The following BMPR1B variants were observed in gnomAD, a reference collection of about 807,000 sequenced individuals.
BMPR1B encodes the protein bone morphogenetic protein receptor type-1B.
Under a neutral mutation model 59.1 loss-of-function variants are expected in BMPR1B, and 12 were observed. The ratio of observed to expected loss-of-function variants is 0.20; its 90% CI spans 0.13 to 0.33. The LOEUF (loss-of-function observed/expected upper bound fraction) is 0.33, where lower values mean the gene tolerates loss of function less well. Among genes scored for constraint, BMPR1B ranks in the 10% least tolerant of loss-of-function variants. The probability of loss-of-function intolerance (pLI) is 1.00; values close to 1 mark genes in which losing one functional copy is unlikely to be tolerated. For synonymous variants in BMPR1B, 237 were observed against 207.3 expected, an observed-to-expected ratio of 1.14 and a Z score of -1.23; for missense variants, 550 against 610.9, an observed-to-expected ratio of 0.90 and a Z score of 1.05.
chr4:94,797,925 T>C (rs1723257734), intron 1 of BMPR1B, among the ~76,000 whole-genome samples: 1 of 152,196 alleles, frequency 6.6e-6, no homozygotes, highest in Admixed American at 6.5e-5. Flanking sequence ...CTGTTTGCCA[T>C]AGTAGTTAGT....
At chr4:94,854,157 A>G (rs954973955) in intron 1 of BMPR1B, among the ~76,000 whole-genome samples, 5 of 151,548 alleles carry the variant, frequency 3.3e-5, no homozygotes, top group African/African-American at 1.2e-4. Context: ...AAGATGCCTC[A>G]TCTATTGAAT....
At chr4:94,875,278 A>T (rs1421223163) in intron 1 of BMPR1B, among the ~76,000 whole-genome samples, 1 of 152,222 alleles carries the variant, frequency 6.6e-6, no homozygotes, top group Non-Finnish European at 1.5e-5. Flanking sequence ...GGTGTTCTTG[A>T]TCTCTACTAC....
chr4:95,095,390 T>A (rs1730293459), intron 3 of BMPR1B, among the ~76,000 whole-genome samples: 1 of 152,158 alleles, frequency 6.6e-6, no homozygotes, highest in Admixed American at 6.6e-5. Context: ...TTATTTGTTA[T>A]CATAACGGTA....
At chr4:95,006,413 A>G (rs961207444) in intron 3 of BMPR1B, among the ~76,000 whole-genome samples, 4 of 151,542 alleles carry the variant, frequency 2.6e-5, no homozygotes, top group Non-Finnish European at 5.9e-5. Context: ...CCTTATAATA[A>G]TTCTATGTGA....
intron 2 of BMPR1B, among the ~76,000 whole-genome samples, chr4:94,971,244 C>A (rs1277151506): frequency 2.0e-5 from 3 of 151,994 alleles, no homozygotes; most frequent in Admixed American, 2.0e-4. Flanking sequence ...TTAAGTTTCA[C>A]TTGAGTGGAA....
chr4:95,147,391 G>A (rs942849006), intron 10 of BMPR1B, among the ~76,000 whole-genome samples: 1 of 152,188 alleles, frequency 6.6e-6, no homozygotes, highest in Non-Finnish European at 1.5e-5. Context: ...TCAAGGCAAT[G>A]AGATCAAACC....
Position 95,129,934 on chromosome 4 carries a change from A to G in BMPR1B, c.658A>G (p.Met220Val). The G allele has an allele frequency of 6.2e-7, 1 of 1,613,892 alleles. No individual in the cohort carries two copies. The highest frequency in any genetic ancestry group is 8.5e-7 in the Non-Finnish European group (1 of 1,179,872). The change falls in exon 9 of 13, where the codon ATG becomes GTG. Residue 220 changes from methionine (M) to valine (V), a missense_variant. Around this residue, in one of 6 missense-constraint regions of BMPR1B, gnomAD observed 318 missense variants for 284.6 expected, o/e 1.12. Transcript: ENST00000515059. ...AAAAGGTCGCTATGGGGAAGTTTGG[A>G]TGGGAAAGTGGCGTGGCGAAAAGGT... is the stretch of plus-strand genomic sequence containing the variant. ...IGKGRYGEVW[M>V]GKWRGEKVAV...
intron 2 of BMPR1B, among the ~76,000 whole-genome samples, chr4:94,962,078 TCC>T (rs1730383596): frequency 2.2e-3 from 175 of 79,314 alleles, no homozygotes; most frequent in South Asian, 5.3e-3. Context: ...TTTCTTTCCT[TCC>T]TTCCTTCCTT....
At chr4:95,093,742 G>A (rs1314442277) in intron 3 of BMPR1B, among the ~76,000 whole-genome samples, 1 of 152,046 alleles carries the variant, frequency 6.6e-6, no homozygotes, top group Admixed American at 6.6e-5. Context: ...TAATGTCGAT[G>A]TGTGAGTATG....
chr4:95,096,566 T>G (rs1452181976), intron 3 of BMPR1B, among the ~76,000 whole-genome samples: 1 of 150,830 alleles, frequency 6.6e-6, no homozygotes, highest in Non-Finnish European at 1.5e-5. Context: ...TGAAAATAAT[T>G]CTATTGTTTA....
At chr4:94,982,731 G>T (rs1322438624) in intron 2 of BMPR1B, among the ~76,000 whole-genome samples, 1 of 152,082 alleles carries the variant, frequency 6.6e-6, no homozygotes, top group Non-Finnish European at 1.5e-5. Context: ...GGTGGCTCAC[G>T]CCTGTAATCC....
chr4:94,836,226 G>T (rs1444101094), intron 1 of BMPR1B, among the ~76,000 whole-genome samples: 12 of 151,284 alleles, frequency 7.9e-5, no homozygotes, highest in East Asian at 3.9e-4. Context: ...ACATACATGT[G>T]CATGTGTCTT....
intron 1 of BMPR1B, among the ~76,000 whole-genome samples, chr4:94,817,164 AT>A (rs1724042799): frequency 6.6e-6 from 1 of 152,182 alleles, no homozygotes; most frequent in African/African-American, 2.4e-5. Context: ...CAGCTCCTTG[AT>A]CTTAGACTTC....
At chr4:94,789,573 TA>T (rs199985383) in intron 1 of BMPR1B, among the ~76,000 whole-genome samples, 4,676 of 152,276 alleles carry the variant, frequency 0.031, 109 homozygotes, top group South Asian at 0.069. Flanking sequence ...ACTTTTTGTC[TA>T]ACATCATTTC....
intron 2 of BMPR1B, among the ~76,000 whole-genome samples, chr4:94,939,155 T>G (rs1729423721): frequency 6.6e-6 from 1 of 152,158 alleles, no homozygotes; most frequent in Non-Finnish European, 1.5e-5. Context: ...TCACCAACTT[T>G]CAGCAAAGGA....
intron 3 of BMPR1B, among the ~76,000 whole-genome samples, chr4:95,087,800 A>G (rs957942455): frequency 2.0e-5 from 3 of 152,156 alleles, no homozygotes; most frequent in Non-Finnish European, 4.4e-5. Context: ...TAGGAAAAGA[A>G]GTGATAAAAC....
At chr4:94,814,281 G>A (rs1262448208) in intron 1 of BMPR1B, among the ~76,000 whole-genome samples, 1 of 152,082 alleles carries the variant, frequency 6.6e-6, no homozygotes, top group Non-Finnish European at 1.5e-5. Context: ...TTCATAACTT[G>A]GAAAGGAAAA....
intron 1 of BMPR1B, among the ~76,000 whole-genome samples, chr4:94,800,653 G>T (rs1186815014): frequency 6.6e-6 from 1 of 151,878 alleles, no homozygotes; most frequent in Non-Finnish European, 1.5e-5. Flanking sequence ...TTTGGACTTT[G>T]GTGTCCTCAG....
chr4:95,061,989 C>T (rs573607760), intron 3 of BMPR1B, among the ~76,000 whole-genome samples: 1 of 152,206 alleles, frequency 6.6e-6, no homozygotes, highest in East Asian at 1.9e-4. Flanking sequence ...CTCACTGTCT[C>T]TCCTGCCGTC....
Sources: allele counts gnomAD v4.1 joint callset (sites outside exome capture counted in the v4.1 genomes callset), GRCh38; gene constraint gnomAD v4.1.1; regional missense constraint gnomAD v4.1.1; transcripts MANE v1.5; gene names NCBI Gene and HGNC (gene_info 2026-07-23, HGNC 2026-07-21).